The following EEPD1 variants were observed in gnomAD, a reference collection of about 807,000 sequenced individuals.
EEPD1 encodes endonuclease/exonuclease/phosphatase family domain containing 1.
A neutral mutation model predicts 46.3 loss-of-function variants in EEPD1; 17 were observed. The ratio of observed to expected loss-of-function variants is 0.37; its 90% CI spans 0.25 to 0.55. EEPD1 has a LOEUF of 0.55. Among genes scored for constraint, EEPD1 ranks in the 20% least tolerant of loss-of-function variants. The probability of loss-of-function intolerance (pLI) is 0.83; values close to 1 mark genes in which losing one functional copy is unlikely to be tolerated. For synonymous variants in EEPD1, 313 were observed against 315.6 expected (o/e 0.99, Z 0.09); for missense variants, 673 against 745.6 (o/e 0.90, Z 1.13).
At chr7:36,182,674 C>G (rs754929501) in intron 2 of EEPD1, among the ~76,000 whole-genome samples, 1 of 152,338 alleles carries the variant, frequency 6.6e-6, no homozygotes, top group Admixed American at 6.5e-5. Flanking sequence ...GTGGACTTGC[C>G]CAGTAATGCA....
rs375949207 is a variant in EEPD1, at chr7:36,284,679, G to T, written c.1042-7G>T. On this transcript the variant is annotated splice_region_variant and splice_polypyrimidine_tract_variant and intron_variant, in intron 4 of 7. Transcript: ENST00000242108. ...GCACCAAGACTCTGTCTCCCTCTCCGCTGCAGGGAGCTGGGTATGCAGGAT... is the reference window on the plus strand; with the variant it reads ...GCACCAAGACTCTGTCTCCCTCTCCTCTGCAGGGAGCTGGGTATGCAGGAT... The T allele has an allele frequency of 3.1e-6, 5 of 1,610,008 alleles. No homozygotes were observed. The African/African-American group carries it at 4.0e-5, about 13-fold the overall frequency.
At chr7:36,264,040 G>A (rs1249232295) in intron 3 of EEPD1, among the ~76,000 whole-genome samples, 1 of 152,178 alleles carries the variant, frequency 6.6e-6, no homozygotes, top group South Asian at 2.1e-4. Flanking sequence ...ATATATGTTT[G>A]TGGGGGAGAG....
At chr7:36,171,824 C>T (rs1177215032) in intron 2 of EEPD1, among the ~76,000 whole-genome samples, 4 of 152,174 alleles carry the variant, frequency 2.6e-5, no homozygotes, top group Non-Finnish European at 5.9e-5. Context: ...TGGTAGCTGG[C>T]ATCTGATTCA....
chr7:36,242,989 G>C (rs1010498359), intron 3 of EEPD1, among the ~76,000 whole-genome samples: 1 of 152,114 alleles, frequency 6.6e-6, no homozygotes, highest in South Asian at 2.1e-4. Flanking sequence ...AAAGGGCCTC[G>C]TGACTTACAG....
intron 3 of EEPD1, among the ~76,000 whole-genome samples, chr7:36,280,751 G>A (rs1004923103): frequency 7.9e-5 from 12 of 152,238 alleles, no homozygotes; most frequent in African/African-American, 2.6e-4. Context: ...TGGATTTGAC[G>A]CTGATCCAGA....
intron 2 of EEPD1, among the ~76,000 whole-genome samples, chr7:36,227,404 C>T (rs1432307470): frequency 6.6e-6 from 1 of 152,152 alleles, no homozygotes; most frequent in Non-Finnish European, 1.5e-5. Context: ...GGTGTCTTGG[C>T]AGTGACAGGA....
At chr7:36,277,835 TG>T (rs1373810831) in intron 3 of EEPD1, among the ~76,000 whole-genome samples, 1 of 134,086 alleles carries the variant, frequency 7.5e-6, no homozygotes, top group Non-Finnish European at 1.6e-5. Flanking sequence ...GTCGGTGATC[TG>T]CTCTGTGGGC....
intron 2 of EEPD1, among the ~76,000 whole-genome samples, chr7:36,197,068 C>T (rs560414599): frequency 2.0e-5 from 3 of 150,892 alleles, no homozygotes; most frequent in East Asian, 3.9e-4. Flanking sequence ...GCCACGACCC[C>T]GTCTGGGAGG....
At chr7:36,237,269 G>T (rs556723345) in intron 2 of EEPD1, among the ~76,000 whole-genome samples, 1 of 152,276 alleles carries the variant, frequency 6.6e-6, no homozygotes, top group African/African-American at 2.4e-5. Context: ...AACACTCACC[G>T]CGAGGTTCCA....
chr7:36,181,533 G>A (rs2115655600), intron 2 of EEPD1, among the ~76,000 whole-genome samples: 1 of 152,326 alleles, frequency 6.6e-6, no homozygotes, highest in African/African-American at 2.4e-5. Flanking sequence ...GTTGAGTGTG[G>A]CCAAAGTGAG....
intron 3 of EEPD1, among the ~76,000 whole-genome samples, chr7:36,251,808 A>AT (rs1472888209): frequency 6.6e-6 from 1 of 152,372 alleles, no homozygotes; most frequent in African/African-American, 2.4e-5. Flanking sequence ...ATTAAAAAGT[A>AT]TTATGAAATA....
intron 2 of EEPD1, among the ~76,000 whole-genome samples, chr7:36,237,777 C>T (rs552377171): frequency 2.4e-4 from 36 of 152,128 alleles, no homozygotes; most frequent in Non-Finnish European, 4.0e-4. Flanking sequence ...ATGGTGAAAC[C>T]CTGTCTGTAC....
chr7:36,165,231 C>G (rs2115612074), intron 2 of EEPD1, among the ~76,000 whole-genome samples: 1 of 152,222 alleles, frequency 6.6e-6, no homozygotes, highest in South Asian at 2.1e-4. Flanking sequence ...AGATTGTATA[C>G]TGTATTTGTA....
rs185004735 is a variant in EEPD1 at position 36,231,535 on chromosome 7, T to C, written c.879-7450T>C. 1.7e-3 allele frequency among the ~76,000 whole-genome samples: 263 copies of C among 152,268 alleles called. 2 individuals carry two copies. The highest frequency in any genetic ancestry group is 3.4e-3 in the Middle Eastern group (1 of 294). ...TTAGGCCCGGATCTACTGGTCCATG[T>C]TGGAACCCAGGAGAGTCTCAGGAAG... is the stretch of plus-strand genomic sequence containing the variant. On this transcript the variant is annotated intron_variant, in intron 2 of 7. Coordinates refer to ENST00000242108, the MANE Select transcript of EEPD1 (RefSeq NM_030636.3).
chr7:36,259,905 G>T (rs1291148825), intron 3 of EEPD1, among the ~76,000 whole-genome samples: 1 of 152,126 alleles, frequency 6.6e-6, no homozygotes, highest in Non-Finnish European at 1.5e-5. Flanking sequence ...ACCATTTTGT[G>T]TACCATTTCT....
At chr7:36,192,119 A>C (rs1220214801) in intron 2 of EEPD1, among the ~76,000 whole-genome samples, 1 of 152,246 alleles carries the variant, frequency 6.6e-6, no homozygotes. Context: ...CTGGGCACCC[A>C]AGCCCTTCAC....
chr7:36,183,011 G>A (rs1264845503), intron 2 of EEPD1, among the ~76,000 whole-genome samples: 1 of 151,530 alleles, frequency 6.6e-6, no homozygotes, highest in Non-Finnish European at 1.5e-5. Context: ...AGGTGAGCAG[G>A]GCCAGCCTGG....
intron 2 of EEPD1, among the ~76,000 whole-genome samples, chr7:36,171,604 C>A (rs1177683220): frequency 1.3e-5 from 2 of 152,186 alleles, no homozygotes; most frequent in East Asian, 1.9e-4. Context: ...GTGTCTCCAC[C>A]CACAGAGTGT....
At chr7:36,279,108 A>C (rs1460787051) in intron 3 of EEPD1, among the ~76,000 whole-genome samples, 5 of 138,652 alleles carry the variant, frequency 3.6e-5, no homozygotes, top group Admixed American at 1.4e-4. Context: ...CGCATCCCCG[A>C]CCCCCTTCCC....
Sources: allele counts gnomAD v4.1 joint callset (sites outside exome capture counted in the v4.1 genomes callset), GRCh38; gene constraint gnomAD v4.1.1; transcripts MANE v1.5; gene names NCBI Gene and HGNC (gene_info 2026-07-23, HGNC 2026-07-21).